The following KCNH5 variants were observed in gnomAD, a reference collection of about 807,000 sequenced individuals.
KCNH5 encodes the protein voltage-gated delayed rectifier potassium channel KCNH5.
In KCNH5, 46 loss-of-function variants were observed where a neutral mutation model predicts 96.1. The observed-to-expected ratio is 0.48, with a 90% CI of 0.38 to 0.61. KCNH5 has a LOEUF of 0.61. KCNH5 is among the 20% of genes least tolerant of loss of function. KCNH5 has a pLI of 0.00. For missense variants in KCNH5, 907 were observed against 1,225.8 expected (o/e 0.74, Z 3.88); for synonymous variants, 439 against 449.8 (o/e 0.98, Z 0.30).
intron 7 of KCNH5, among the ~76,000 whole-genome samples, chr14:62,889,399 C>T (rs1888659824): frequency 1.3e-5 from 2 of 152,052 alleles, no homozygotes; most frequent in South Asian, 2.1e-4. Flanking sequence ...GCAGAGACTG[C>T]ACCAAAAAAA....
chr14:62,818,634 C>A (rs1245757554), intron 8 of KCNH5, among the ~76,000 whole-genome samples: 2 of 152,058 alleles, frequency 1.3e-5, no homozygotes, highest in African/African-American at 4.8e-5. Flanking sequence ...AAACATCAAC[C>A]AACACTATAA....
chr14:62,760,176 A>G (rs1469744980), intron 10 of KCNH5, among the ~76,000 whole-genome samples: 2 of 152,196 alleles, frequency 1.3e-5, no homozygotes, highest in African/African-American at 2.4e-5. Flanking sequence ...ACAATGGCCA[A>G]CTAGGTCATT....
At chr14:62,939,896 C>T (rs1566715445) in intron 7 of KCNH5, among the ~76,000 whole-genome samples, 1 of 151,966 alleles carries the variant, frequency 6.6e-6, no homozygotes, top group Non-Finnish European at 1.5e-5. Flanking sequence ...GCTGAGATCA[C>T]ACCATTGCAC....
chr14:62,745,849 T>A (rs531370776), intron 10 of KCNH5, among the ~76,000 whole-genome samples: 1 of 152,326 alleles, frequency 6.6e-6, no homozygotes, highest in South Asian at 2.1e-4. Flanking sequence ...TCTCCACTAA[T>A]CAGCTTTCTC....
intron 9 of KCNH5, among the ~76,000 whole-genome samples, chr14:62,800,420 T>C (rs183978895): frequency 4.6e-5 from 7 of 152,248 alleles, no homozygotes; most frequent in South Asian, 2.1e-4. Flanking sequence ...ACTGAGCAAA[T>C]TGTCTCATTT....
In KCNH5 at chr14:62,756,012, G is replaced by A. The variant is rs149951687; in HGVS notation, c.2019+23716C>T. On this transcript the variant is annotated intron_variant, in intron 10 of 10. Coordinates refer to ENST00000322893, the MANE Select transcript of KCNH5 (RefSeq NM_139318.5). Reference sequence around the variant, plus strand: ...TCCACAGCTAGTACTATACCAAATGGGGAAAAACTGAAAGCCTTTCCTCTA... The same window carrying A: ...TCCACAGCTAGTACTATACCAAATGAGGAAAAACTGAAAGCCTTTCCTCTA... Among the ~76,000 whole-genome samples the A allele has an allele frequency of 7.9e-5, 12 of 151,542 alleles. No homozygotes were observed. The East Asian group carries it at 2.3e-3, about 29-fold the overall frequency.
At chr14:62,968,697 G>T (rs1264681711) in intron 6 of KCNH5, among the ~76,000 whole-genome samples, 1 of 152,182 alleles carries the variant, frequency 6.6e-6, no homozygotes, top group East Asian at 1.9e-4. Flanking sequence ...AGGAAATGTG[G>T]TATGCCTCAT....
intron 1 of KCNH5, among the ~76,000 whole-genome samples, chr14:63,031,974 C>A (rs1891637185): frequency 6.6e-6 from 1 of 151,572 alleles, no homozygotes; most frequent in African/African-American, 2.4e-5. Context: ...CAAATTACCC[C>A]CAGAGAGAAA....
At chr14:62,823,990 A>C (rs368670294) in intron 8 of KCNH5, among the ~76,000 whole-genome samples, 25 of 152,174 alleles carry the variant, frequency 1.6e-4, no homozygotes, top group African/African-American at 5.8e-4. Context: ...ATAAACCTTG[A>C]TAAAACACAA....
chr14:62,954,721 G>A (rs972087317), intron 6 of KCNH5, among the ~76,000 whole-genome samples: 5 of 152,040 alleles, frequency 3.3e-5, no homozygotes, highest in Non-Finnish European at 7.4e-5. Context: ...CCCAAGACTC[G>A]GTAATTCGTA....
At chr14:62,885,200 C>T (rs1332757997) in intron 7 of KCNH5, among the ~76,000 whole-genome samples, 2 of 152,070 alleles carry the variant, frequency 1.3e-5, no homozygotes, top group African/African-American at 4.8e-5. Flanking sequence ...AACTGAAAAC[C>T]AAAACCTACT....
At chr14:62,908,816 T>C (rs1889085044) in intron 7 of KCNH5, among the ~76,000 whole-genome samples, 1 of 124,824 alleles carries the variant, frequency 8.0e-6, no homozygotes, top group African/African-American at 3.1e-5. Context: ...TTTTTTTTGC[T>C]GTAATAAATC....
At chr14:63,020,235 G>C (rs540618321) in intron 1 of KCNH5, among the ~76,000 whole-genome samples, 2 of 152,202 alleles carry the variant, frequency 1.3e-5, no homozygotes, top group East Asian at 3.9e-4. Flanking sequence ...AAAATGGTAT[G>C]ATCACTTTGG....
At chr14:62,922,083 A>C (rs1020392517) in intron 7 of KCNH5, among the ~76,000 whole-genome samples, 1 of 152,134 alleles carries the variant, frequency 6.6e-6, no homozygotes, top group African/African-American at 2.4e-5. Flanking sequence ...TGCAAATGAT[A>C]TACATTCTGG....
chr14:62,753,821 T>A (rs1885557902), intron 10 of KCNH5, among the ~76,000 whole-genome samples: 1 of 152,180 alleles, frequency 6.6e-6, no homozygotes, highest in Non-Finnish European at 1.5e-5. Context: ...AAATACCATA[T>A]CTGTCCTACA....
intron 7 of KCNH5, among the ~76,000 whole-genome samples, chr14:62,905,292 C>T (rs1451357535): frequency 6.6e-6 from 1 of 152,102 alleles, no homozygotes; most frequent in Non-Finnish European, 1.5e-5. Flanking sequence ...CATAATAACC[C>T]TATTAGCTAA....
At chr14:62,839,504 A>G (rs1887532128) in intron 8 of KCNH5, among the ~76,000 whole-genome samples, 1 of 152,190 alleles carries the variant, frequency 6.6e-6, no homozygotes, top group South Asian at 2.1e-4. Flanking sequence ...ATGCCCTCAA[A>G]GGCAGCAGAC....
Position 63,030,102 on chromosome 14 carries a change from T to G in KCNH5, c.74-13148A>C, listed in dbSNP as rs544393930. On this transcript the variant is annotated intron_variant, in intron 1 of 10. Transcript: ENST00000322893. ...ATCACCCATTCTTATCAACCAATCT[T>G]GACAGGGAAACCAGTTCTGGTTTGT... 6.1e-4 allele frequency among the ~76,000 whole-genome samples: 93 copies of G among 152,296 alleles called. 1 individual carries two copies. Among genetic ancestry groups the G allele is most frequent in the Non-Finnish European group, 8.2e-4 (56 of 68,004 alleles).
chr14:62,832,131 T>A (rs997603098), intron 8 of KCNH5, among the ~76,000 whole-genome samples: 4 of 152,240 alleles, frequency 2.6e-5, no homozygotes, highest in African/African-American at 7.2e-5. Context: ...ATTATTTTTT[T>A]AAATTACAGT....
Sources: gnomAD v4.1 joint callset for allele counts (sites outside exome capture counted in the v4.1 genomes callset) on GRCh38, gnomAD v4.1.1 for gene constraint, MANE v1.5 for transcripts, NCBI Gene and HGNC (gene_info 2026-07-23, HGNC 2026-07-21) for gene names.